Variants in F5 observed in about 807,000 individuals in gnomAD.
F5 encodes the protein coagulation factor V, also known as activated protein c cofactor.
A neutral mutation model predicts 216.4 loss-of-function variants in F5; 138 were observed. The observed-to-expected ratio is 0.64, with a 90% confidence interval of 0.56 to 0.73. The LOEUF (loss-of-function observed/expected upper bound fraction) is 0.73, where lower values mean the gene tolerates loss of function less well. Among genes scored for constraint, F5 ranks in the 30% least tolerant of loss-of-function variants. F5 has a pLI of 0.00. For missense variants in F5, 2,403 were observed against 2,674.0 expected (o/e 0.90, Z 2.24); for synonymous variants, 916 against 930.7 (o/e 0.98, Z 0.29).
chr1:169,519,039 C>T lies in F5; in HGVS notation c.6194-476G>A, dbSNP rs1047041851. Among the ~76,000 whole-genome samples the T allele has an allele frequency of 1.7e-4, 26 of 152,196 alleles. 1 individual carries two copies. The highest frequency in any genetic ancestry group is 7.2e-4 in the Admixed American group (11 of 15,274). On this transcript the variant is annotated intron_variant, in intron 22 of 24. Transcript: ENST00000367797. ...ACTATTTAATATTTTCTGTTTCAAC[C>T]CTTAGAGGGTAATTCGAGTTATGTA... is the stretch of plus-strand genomic sequence containing the variant.
At chr1:169,546,643 A>G (rs1660009544) in intron 10 of F5, 51 bp from the exon 11 acceptor site, 3 of 1,517,226 alleles carry the variant, frequency 2.0e-6, no homozygotes, top group Non-Finnish European at 2.7e-6. Context: ...GCATAGACCA[A>G]TGGAACAGAA....
At position 169,514,339 on chromosome 1, in the gene F5, C is replaced by A; in HGVS notation, c.6649G>T (p.Glu2217Ter). 1 of 1,613,248 alleles carries A rather than the reference C, an allele frequency of 6.2e-7. No individual in the cohort carries two copies. Among genetic ancestry groups the A allele is most frequent in the Middle Eastern group, 1.7e-4 (1 of 6,056 alleles). ...TAGTAAATATCACAGCCAAAGAGTTCCAGGCGAAGTGCAATACTTTGATTC... is the reference window on the plus strand; with the variant it reads ...TAGTAAATATCACAGCCAAAGAGTTACAGGCGAAGTGCAATACTTTGATTC... ...TWNQSIALRL[E>*]LFGCDIY is the part of the protein sequence containing the mutation. Residue 2217 changes from glutamate (E) to a stop codon, truncating the protein, a stop_gained, in exon 25 of 25, where the codon GAA becomes TAA. Coordinates refer to ENST00000367797, the MANE Select transcript of F5 (RefSeq NM_000130.5). LOFTEE classifies it high-confidence loss of function.
At position 169,541,612 on chromosome 1, in the gene F5, C is replaced by T; in HGVS notation, c.3478G>A (p.Asp1160Asn). 4 of 1,614,104 alleles carry T rather than the reference C, an allele frequency of 2.5e-6. No homozygotes were observed. The highest frequency in any genetic ancestry group is 3.4e-6 in the Non-Finnish European group (4 of 1,180,006). The change falls in exon 13 of 25, where the codon GAC (aspartate) becomes AAC (asparagine). Residue 1160 changes from aspartate to asparagine, a missense_variant. Physicochemically the swap from Asp to Asn is conservative, Grantham distance 23. Around this residue, in one of 4 missense-constraint regions of F5, gnomAD observed 1,425 missense variants for 1,554.8 expected, o/e 0.92. Coordinates refer to ENST00000367797, the MANE Select transcript of F5 (RefSeq NM_000130.5). ...SPELSEMLEY[D>N]RSHKSFPTDI... ...GTGGGGAAGGACTTGTGACTTCGGT[C>T]ATACTCAAGCATTTCACTGAGCTCT...
intron 1 of F5, among the ~76,000 whole-genome samples, chr1:169,584,562 A>G (rs755624178): frequency 1.3e-5 from 2 of 152,236 alleles, no homozygotes; most frequent in Non-Finnish European, 2.9e-5. Context: ...TGCTAATATT[A>G]TATGAAATAA....
chr1:169,528,741 G>T (rs1010767896), intron 16 of F5, among the ~76,000 whole-genome samples: 9 of 152,082 alleles, frequency 5.9e-5, no homozygotes, highest in Non-Finnish European at 1.3e-4. Flanking sequence ...TGAGAAACTT[G>T]ATCACCTTAA....
intron 3 of F5, among the ~76,000 whole-genome samples, chr1:169,562,355 T>A (rs1268320009): frequency 6.6e-6 from 1 of 152,086 alleles, no homozygotes; most frequent in African/African-American, 2.4e-5. Flanking sequence ...TTTTTACCTA[T>A]CTTTGTCTCT....
intron 17 of F5, among the ~76,000 whole-genome samples, chr1:169,526,850 C>T (rs1352597419): frequency 6.6e-6 from 1 of 151,172 alleles, no homozygotes; most frequent in African/African-American, 2.4e-5. Context: ...GATTTTAATA[C>T]AATAAATTAT....
Position 169,540,385 on chromosome 1 carries a change from C to T in F5, c.4705G>A (p.Ala1569Thr). 1.2e-6 allele frequency: 2 copies of T among 1,613,984 alleles called. No homozygotes were observed. Among genetic ancestry groups the T allele is most frequent in the Non-Finnish European group, 1.7e-6 (2 of 1,179,930 alleles). The change falls in exon 13 of 25, where the codon GCA becomes ACA. Residue 1569 changes from alanine to threonine, a missense_variant. By Grantham distance (58) the Ala-to-Thr change is moderately conservative (BLOSUM62 0). This residue lies in a region of F5 where 293 missense variants were observed against 270.8 expected (regional missense o/e 1.08). Transcript: ENST00000367797. The stretch of plus-strand genomic sequence containing the variant: ...CCATTGTTGCTGCGGAGGTACCATG[C>T]TGCAATGTTGTCAGGATCTCTGGAG... ...NSSRDPDNIA[A>T]WYLRSNNGNR...
chr1:169,529,157 G>A (rs112814246), intron 16 of F5, among the ~76,000 whole-genome samples: 2 of 152,172 alleles, frequency 1.3e-5, no homozygotes, highest in African/African-American at 4.8e-5. Flanking sequence ...TATGCTTTGG[G>A]TGCCACCTGG....
Position 169,541,732 on chromosome 1 carries a change from T to C in F5, c.3358A>G (p.Thr1120Ala). 1.2e-6 allele frequency: 2 copies of C among 1,614,054 alleles called. No individual in the cohort carries two copies. The highest frequency in any genetic ancestry group is 1.7e-6 in the Non-Finnish European group (2 of 1,179,992). The change falls in exon 13 of 25, where the codon ACA becomes GCA. Residue 1120 changes from threonine to alanine, a missense_variant. Thr to Ala is a moderately conservative substitution (Grantham distance 58). Around this residue, in one of 4 missense-constraint regions of F5, gnomAD observed 1,425 missense variants for 1,554.8 expected, o/e 0.92. Coordinates refer to ENST00000367797, the MANE Select transcript of F5 (RefSeq NM_000130.5). ...QASCPPGLYQ[T>A]VPPEEHYQTF... ...TGATAGTGTTCCTCTGGGGGCACTGTCTGATAAAGACCTGGAGGACAGCTT... is the reference window on the plus strand; with the variant it reads ...TGATAGTGTTCCTCTGGGGGCACTGCCTGATAAAGACCTGGAGGACAGCTT...
chr1:169,525,158 A>G (rs1335766343), intron 18 of F5, among the ~76,000 whole-genome samples: 1 of 151,960 alleles, frequency 6.6e-6, no homozygotes, highest in African/African-American at 2.4e-5. Context: ...TTTTAAACTG[A>G]TTTTCTTCTG....
chr1:169,524,296 C>G (rs1392927248), intron 19 of F5, among the ~76,000 whole-genome samples: 3 of 152,168 alleles, frequency 2.0e-5, no homozygotes, highest in African/African-American at 4.8e-5. Context: ...GGAGGAGTTC[C>G]TCACATATAG....
At position 169,536,496 on chromosome 1, in the gene F5, A is replaced by G. The variant is rs994160584; in HGVS notation, c.4971+10T>C. 2 of 1,612,700 alleles carry G rather than the reference A, an allele frequency of 1.2e-6. No homozygotes were observed. Among genetic ancestry groups the G allele is most frequent in the East Asian group, 2.2e-5 (1 of 44,836 alleles). Reference sequence around the variant, plus strand: ...CCTCCGAAGATCTTAGCAGTGCTCAAAAGACTTACTTGGATAACATCATCC... The same window carrying G: ...CCTCCGAAGATCTTAGCAGTGCTCAGAAGACTTACTTGGATAACATCATCC... On this transcript the variant is annotated intron_variant, in intron 14 of 24. Transcript: ENST00000367797.
At chr1:169,528,493 T>G (rs9332628) in intron 16 of F5, among the ~76,000 whole-genome samples, 13,067 of 152,236 alleles carry the variant, frequency 0.086, 1,665 homozygotes, top group East Asian at 0.63. Context: ...CAAGGAGATA[T>G]GCAGCATGTC....
intron 8 of F5, among the ~76,000 whole-genome samples, chr1:169,551,763 C>G (rs1660173297): frequency 6.6e-6 from 1 of 152,200 alleles, no homozygotes; most frequent in Admixed American, 6.5e-5. Context: ...TAACTACACT[C>G]TAGGATTTTG....
chr1:169,514,134 T>C lies in F5; in HGVS notation c.*179A>G. 1 of 620,176 alleles carries C rather than the reference T, an allele frequency of 1.6e-6. No individual in the cohort carries two copies. Among genetic ancestry groups the C allele is most frequent in the Non-Finnish European group, 2.8e-6 (1 of 355,610 alleles). The allele number at this position is 620,176 out of a possible 1,614,324, so 38.4% of individuals were successfully genotyped here. A position where few individuals can be genotyped will look rare whatever the true frequency, so the allele number is the denominator to read the frequency against. ...GCAGAAGTAATAGCCATTATCTTAC[T>C]TACTGGTAGCAAGGAGTTACATTAT... On this transcript the variant is annotated 3_prime_UTR_variant, in exon 25 of 25. Coordinates refer to ENST00000367797, the MANE Select transcript of F5 (RefSeq NM_000130.5).
At position 169,518,527 on chromosome 1, in the gene F5, A is replaced by G. The variant is rs2101803535; in HGVS notation, c.6230T>C (p.Ile2077Thr). 3 of 1,613,896 alleles carry G rather than the reference A, an allele frequency of 1.9e-6. No individual in the cohort carries two copies. The highest frequency in any genetic ancestry group is 2.5e-6 in the Non-Finnish European group (3 of 1,179,886). The change falls in exon 23 of 25, where the codon ATA becomes ACA. Residue 2077 changes from isoleucine to threonine, a missense_variant. By Grantham distance (89) the Ile-to-Thr change is moderately conservative. Transcript: ENST00000367797. ...AGAAGCTGTGATTTGCTTGTTTTCT[A>G]TCTTTCCATTTTCCATACCCAGGGG... ...STPLGMENGKIENKQITASSF... is the reference protein window; with the variant it reads ...STPLGMENGKTENKQITASSF...
Position 169,556,860 on chromosome 1 carries a change from T to C in F5, c.738A>G (p.Thr246=), listed in dbSNP as rs375739973. Residue 246 remains threonine (T), a synonymous_variant, in exon 6 of 25, where the codon ACA becomes ACG. Transcript: ENST00000367797. ...GYVNGTMPDI[T]VCAHDHISWH... Reference sequence around the variant, plus strand: ...AGCTGATGTGGTCATGGGCACAAACTGTTATATCTGAGAAAGAGGGAGAGA... The same window carrying C: ...AGCTGATGTGGTCATGGGCACAAACCGTTATATCTGAGAAAGAGGGAGAGA... The C allele has an allele frequency of 2.1e-5, 34 of 1,613,506 alleles. No homozygotes were observed. Among genetic ancestry groups the C allele is most frequent in the Admixed American group, 3.3e-5 (2 of 59,978 alleles).
At chr1:169,563,140 G>A (rs1211329623) in intron 3 of F5, among the ~76,000 whole-genome samples, 2 of 152,058 alleles carry the variant, frequency 1.3e-5, no homozygotes, top group Non-Finnish European at 2.9e-5. Context: ...CTTTAAAGAT[G>A]TCCCTAATTG....
Sources: allele counts gnomAD v4.1 joint callset (sites outside exome capture counted in the v4.1 genomes callset), GRCh38; gene constraint gnomAD v4.1.1; regional missense constraint gnomAD v4.1.1; transcripts MANE v1.5; gene names NCBI Gene and HGNC (gene_info 2026-07-23, HGNC 2026-07-21).